SUMF1: variants seen among roughly 807,000 people sequenced by gnomAD.
SUMF1 encodes formylglycine-generating enzyme.
A neutral mutation model predicts 47.6 loss-of-function variants in SUMF1; 48 were observed. The ratio of observed to expected loss-of-function variants is 1.01; its 90% confidence interval spans 0.80 to 1.28. The LOEUF (loss-of-function observed/expected upper bound fraction) is 1.28. SUMF1 is among the 50% of genes most tolerant of loss of function. The pLI, the probability that SUMF1 is intolerant of heterozygous loss-of-function variation, is 0.00. For missense variants in SUMF1, 571 were observed against 485.4 expected (o/e 1.18, Z -1.66); for synonymous variants, 230 against 192.1 (o/e 1.20, Z -1.63).
intron 8 of SUMF1, among the ~76,000 whole-genome samples, chr3:4,225,144 C>T (rs1034566955): frequency 1.3e-5 from 2 of 152,084 alleles, no homozygotes; most frequent in Admixed American, 1.3e-4. Context: ...AGGATTCACC[C>T]TTGGGAGAAA....
chr3:4,240,015 A>G (rs377192211), intron 8 of SUMF1, among the ~76,000 whole-genome samples: 2 of 152,262 alleles, frequency 1.3e-5, no homozygotes, highest in African/African-American at 4.8e-5. Flanking sequence ...TTCTCCATCT[A>G]TTGAAATAAT....
At chr3:4,420,280 A>G in intron 3 of SUMF1, 134 bp from the exon 4 acceptor site, 2 of 725,998 alleles carry the variant, frequency 2.8e-6, no homozygotes, top group Non-Finnish European at 5.0e-6. Context: ...ATTTGCCAGA[A>G]TACCAAAATA....
At chr3:4,115,335 G>T (rs896306169) in intron 8 of SUMF1, among the ~76,000 whole-genome samples, 2 of 152,008 alleles carry the variant, frequency 1.3e-5, no homozygotes, top group Non-Finnish European at 2.9e-5. Flanking sequence ...CTCCAAGCCC[G>T]CGTGTGATCC....
At chr3:4,062,015 C>T (rs1322148719) in intron 9 of SUMF1, among the ~76,000 whole-genome samples, 1 of 152,000 alleles carries the variant, frequency 6.6e-6, no homozygotes, top group African/African-American at 2.4e-5. Context: ...CTGTATTTAC[C>T]TCTCCTCTAA....
At chr3:4,260,688 T>C (rs2125023032) in intron 8 of SUMF1, among the ~76,000 whole-genome samples, 1 of 151,960 alleles carries the variant, frequency 6.6e-6, no homozygotes, top group South Asian at 2.1e-4. Context: ...TGAGCTGAGA[T>C]CTCGCCACTG....
chr3:4,224,934 T>C (rs1439264399), intron 8 of SUMF1, among the ~76,000 whole-genome samples: 3 of 152,140 alleles, frequency 2.0e-5, no homozygotes, highest in Non-Finnish European at 4.4e-5. Flanking sequence ...TCCTTCCCAG[T>C]TGCCTGAGCC....
intron 8 of SUMF1, among the ~76,000 whole-genome samples, chr3:4,095,180 A>T (rs923276577): frequency 6.6e-6 from 1 of 152,122 alleles, no homozygotes; most frequent in Admixed American, 6.5e-5. Context: ...TGAAATTTTT[A>T]AAAAATGATT....
chr3:4,332,162 G>A (rs1188086600), intron 8 of SUMF1, among the ~76,000 whole-genome samples: 1 of 151,886 alleles, frequency 6.6e-6, no homozygotes, highest in African/African-American at 2.4e-5. Flanking sequence ...ACATATTTTG[G>A]TAGTGAAACA....
At chr3:4,385,446 G>GGATTGT (rs1700641513) in intron 7 of SUMF1, among the ~76,000 whole-genome samples, 1 of 152,084 alleles carries the variant, frequency 6.6e-6, no homozygotes, top group Non-Finnish European at 1.5e-5. Flanking sequence ...GTCTCTTCAT[G>GGATTGT]TCTTCTGCAC....
At chr3:4,404,221 A>G (rs1701304182) in intron 7 of SUMF1, among the ~76,000 whole-genome samples, 1 of 152,218 alleles carries the variant, frequency 6.6e-6, no homozygotes, top group African/African-American at 2.4e-5. Flanking sequence ...TACTTCCTCC[A>G]GAAGACATTC....
intron 9 of SUMF1, among the ~76,000 whole-genome samples, chr3:4,036,752 G>T (rs1166628569): frequency 6.6e-6 from 1 of 150,592 alleles, no homozygotes; most frequent in East Asian, 1.9e-4. Flanking sequence ...CAACAAAGCA[G>T]AGGGGCTTTG....
At chr3:4,209,409 A>G (rs1363180895) in intron 8 of SUMF1, among the ~76,000 whole-genome samples, 2 of 152,230 alleles carry the variant, frequency 1.3e-5, no homozygotes, top group Non-Finnish European at 2.9e-5. Flanking sequence ...TCACTTAAAC[A>G]TCCTAAGTTG....
intron 3 of SUMF1, among the ~76,000 whole-genome samples, chr3:4,432,719 C>T (rs1702272719): frequency 6.6e-6 from 1 of 152,290 alleles, no homozygotes; most frequent in South Asian, 2.1e-4. Context: ...CGCAGTCCGT[C>T]ATCACAGTCA....
intron 8 of SUMF1, chr3:4,303,840 A>C: frequency 7.5e-7 from 1 of 1,339,074 alleles, no homozygotes; most frequent in Non-Finnish European, 9.9e-7. Flanking sequence ...GGAGTCATTT[A>C]CCTCCCTGGT....
intron 7 of SUMF1, 139 bp from the exon 8 acceptor site, chr3:4,376,528 G>A: frequency 6.8e-6 from 6 of 878,230 alleles, no homozygotes; most frequent in Non-Finnish European, 1.1e-5. Flanking sequence ...CCTAGGCTTT[G>A]TATCTGTATT....
At chr3:4,464,901 A>C (rs1477335889) in intron 1 of SUMF1, among the ~76,000 whole-genome samples, 1 of 152,252 alleles carries the variant, frequency 6.6e-6, no homozygotes, top group Admixed American at 6.5e-5. Flanking sequence ...AAAGCAGACT[A>C]TAAGAACTGG....
At chr3:4,380,918 G>A (rs1700483558) in intron 7 of SUMF1, among the ~76,000 whole-genome samples, 1 of 152,174 alleles carries the variant, frequency 6.6e-6, no homozygotes, top group South Asian at 2.1e-4. Context: ...AGTCTTTAAG[G>A]ATGAGTTGAA....
intron 8 of SUMF1, chr3:4,313,776 T>C (rs1698523797): frequency 6.2e-7 from 1 of 1,613,704 alleles, no homozygotes; most frequent in Non-Finnish European, 8.5e-7. Context: ...GTCTGTTCAG[T>C]GATAAGCAGC....
At chr3:4,363,036 C>T (rs2633855) in intron 8 of SUMF1, among the ~76,000 whole-genome samples, 93,360 of 152,044 alleles carry the variant, frequency 0.61, 29,151 homozygotes, top group East Asian at 0.76. Context: ...TCCGAATGCA[C>T]CACAATGTGC....
Sources: allele counts gnomAD v4.1 joint callset (sites outside exome capture counted in the v4.1 genomes callset), GRCh38; gene constraint gnomAD v4.1.1; transcripts MANE v1.5; gene names NCBI Gene and HGNC (gene_info 2026-07-23, HGNC 2026-07-21).